The following PLA2G6 variants were observed in gnomAD, a reference collection of about 807,000 sequenced individuals.
The protein encoded by PLA2G6 is 85/88 kDa calcium-independent phospholipase A2.
In PLA2G6, 62 loss-of-function variants were observed where a neutral mutation model predicts 83.8. The ratio of observed to expected loss-of-function variants is 0.74; its 90% CI spans 0.60 to 0.91. The LOEUF (loss-of-function observed/expected upper bound fraction) is 0.91, where lower values mean the gene tolerates loss of function less well. Ranked by LOEUF, PLA2G6 falls within the 40% of genes least tolerant of loss-of-function variation. The pLI is 0.00. For missense variants in PLA2G6, 944 were observed against 1,102.0 expected (o/e 0.86, Z 2.03); for synonymous variants, 417 against 449.8 (o/e 0.93, Z 0.92).
At chr22:38,146,029 T>G in intron 2 of PLA2G6, 1 of 273,872 alleles carries the variant, frequency 3.7e-6, no homozygotes, top group Non-Finnish European at 7.0e-6. Context: ...TGCACCACCA[T>G]GCCCAGCTAA....
At chr22:38,159,468 C>T (rs909570554) in intron 2 of PLA2G6, among the ~76,000 whole-genome samples, 9 of 152,120 alleles carry the variant, frequency 5.9e-5, no homozygotes, top group African/African-American at 2.2e-4. Context: ...GTGACTCATG[C>T]CTGTAATCCC....
intron 9 of PLA2G6, 131 bp from the exon 10 acceptor site, chr22:38,126,580 ATC>A (rs2087874871): frequency 1.4e-6 from 1 of 698,650 alleles, no homozygotes; most frequent in Admixed American, 2.0e-5. Context: ...TCCCCCTGTC[ATC>A]TGTCCCTTCC....
chr22:38,146,761 CTT>C (rs1421166858), intron 2 of PLA2G6: 2 of 140,124 alleles, frequency 1.4e-5, no homozygotes, highest in Non-Finnish European at 3.1e-5. Context: ...AAAAGGGAAA[CTT>C]TTCTTTTTCT....
Position 38,132,516 on chromosome 22 carries a change from G to A in PLA2G6, c.1077+315C>T, listed in dbSNP as rs558028655. On this transcript the variant is annotated intron_variant, in intron 7 of 16. Transcript: ENST00000332509. This position sits in a 1 kb window ranked among gnomAD's most constrained non-coding sequence, Gnocchi z 5.0. ...CAGATGAGGAAATCGAGGCTGACAG[G>A]TGACATGGCTTGCTCAGGGCCAGTC... is the stretch of plus-strand genomic sequence containing the variant. The A allele has an allele frequency of 2.9e-5, 14 of 485,554 alleles. No individual in the cohort carries two copies. The highest frequency in any genetic ancestry group is 2.3e-4 in the African/African-American group (12 of 51,710). 30.1% of individuals were successfully genotyped at this position (485,554 alleles called of 1,614,324 possible).
At chr22:38,113,807 C>T (rs771542965) in intron 14 of PLA2G6, 153 bp from the exon 15 acceptor site, 1 of 752,420 alleles carries the variant, frequency 1.3e-6, no homozygotes. Flanking sequence ...GGCATGATTT[C>T]CAGCCAGCCT....
intron 2 of PLA2G6, among the ~76,000 whole-genome samples, chr22:38,151,888 CAGA>C (rs1453193724): frequency 6.6e-6 from 1 of 152,146 alleles, no homozygotes; most frequent in African/African-American, 2.4e-5. Flanking sequence ...AGTTTTGCTC[CAGA>C]AGAAGACACA....
At chr22:38,115,712 G>T in intron 13 of PLA2G6, 31 bp from the exon 14 acceptor site, 4 of 1,577,254 alleles carry the variant, frequency 2.5e-6, no homozygotes, top group Non-Finnish European at 3.4e-6. Context: ...CGGCCCAGTG[G>T]CACAAGGGAC....
At chr22:38,139,086 C>A (rs1291087439) in intron 5 of PLA2G6, 1 of 152,196 alleles carries the variant, frequency 6.6e-6, no homozygotes, top group Non-Finnish European at 1.5e-5. Context: ...TGAGCCTGTA[C>A]CTGCCTCCCA....
At chr22:38,171,811 G>A (rs1334675796) in intron 1 of PLA2G6, among the ~76,000 whole-genome samples, 2 of 147,544 alleles carry the variant, frequency 1.4e-5, no homozygotes, top group African/African-American at 5.1e-5. Context: ...ACAGAGTGAA[G>A]ACTCCGTCTC....
At chr22:38,170,195 CAAA>C (rs132990) in intron 1 of PLA2G6, among the ~76,000 whole-genome samples, 3 of 75,448 alleles carry the variant, frequency 4.0e-5, no homozygotes, top group Admixed American at 1.5e-4. Flanking sequence ...GACTCTGTCT[CAAA>C]AAAAAAAAAA....
At chr22:38,178,227 G>A (rs2090711589) in intron 1 of PLA2G6, among the ~76,000 whole-genome samples, 1 of 152,104 alleles carries the variant, frequency 6.6e-6, no homozygotes, top group Admixed American at 6.6e-5. Flanking sequence ...AATATTTACT[G>A]AGATGGATTG....
chr22:38,148,346 C>T, intron 2 of PLA2G6: 4 of 591,016 alleles, frequency 6.8e-6, no homozygotes, highest in Non-Finnish European at 1.2e-5. Flanking sequence ...AACGATGATT[C>T]TCTCTCAGAA....
intron 14 of PLA2G6, 25 bp downstream of exon 14, chr22:38,115,502 A>T (rs1158642554): frequency 6.2e-7 from 1 of 1,606,368 alleles, no homozygotes; most frequent in Non-Finnish European, 8.5e-7. Context: ...CAGTGGGTCC[A>T]GGCCCTCTGG....
chr22:38,132,502 A>T lies in PLA2G6; in HGVS notation c.1077+329T>A, dbSNP rs2088278587. 4.4e-6 allele frequency: 2 copies of T among 452,982 alleles called. No individual in the cohort carries two copies. The highest frequency in any genetic ancestry group is 8.1e-6 in the Non-Finnish European group (2 of 248,298). 28.1% of individuals were successfully genotyped at this position (452,982 alleles called of 1,614,324 possible). A position where few individuals can be genotyped will look rare whatever the true frequency, so the allele number is the denominator to read the frequency against. ...ACACCACCATTTTCCAGATGAGGAA[A>T]TCGAGGCTGACAGGTGACATGGCTT... On this transcript the variant is annotated intron_variant, in intron 7 of 16. Transcript: ENST00000332509. This position sits in a 1 kb window ranked among gnomAD's most constrained non-coding sequence, Gnocchi z 5.0.
chr22:38,121,989 C>CA (rs1229595397), intron 11 of PLA2G6, among the ~76,000 whole-genome samples: 1 of 152,144 alleles, frequency 6.6e-6, no homozygotes, highest in Non-Finnish European at 1.5e-5. Flanking sequence ...TGAGAATCAT[C>CA]AAAAGGAAAT....
At chr22:38,168,786 G>A (rs183092608) in intron 2 of PLA2G6, among the ~76,000 whole-genome samples, 160 of 152,282 alleles carry the variant, frequency 1.1e-3, no homozygotes, top group Non-Finnish European at 2.0e-3. Flanking sequence ...GGAGGCAGAG[G>A]TTGCAGTGAG....
chr22:38,163,380 C>G (rs765761227), intron 2 of PLA2G6: 2 of 168,800 alleles, frequency 1.2e-5, no homozygotes, highest in African/African-American at 4.8e-5. Context: ...CCTTCAGCAA[C>G]CATGGATACA....
chr22:38,146,200 T>C, intron 2 of PLA2G6: 1 of 168,540 alleles, frequency 5.9e-6, no homozygotes, highest in South Asian at 1.4e-4. Context: ...CACACCTGGC[T>C]AATTTTTTGT....
At chr22:38,116,297 G>A in intron 12 of PLA2G6, 86 bp from the exon 13 acceptor site, 1 of 1,465,134 alleles carries the variant, frequency 6.8e-7, no homozygotes, top group South Asian at 1.2e-5. Context: ...CAGGGCCTTG[G>A]GTAGCAGAGT....
Sources: gnomAD v4.1 joint callset for allele counts (sites outside exome capture counted in the v4.1 genomes callset) on GRCh38, gnomAD v4.1.1 for gene constraint, Gnocchi (gnomAD v3.1) non-coding constraint, MANE v1.5 for transcripts, NCBI Gene and HGNC (gene_info 2026-07-23, HGNC 2026-07-21) for gene names.